The following SH3D19 variants were observed in gnomAD, a reference collection of about 807,000 sequenced individuals.
The protein encoded by SH3D19 is SH3 domain-containing protein 19.
In SH3D19, 58 loss-of-function variants were observed where a neutral mutation model predicts 112.1. The observed-to-expected ratio is 0.52, with a 90% CI of 0.42 to 0.64. SH3D19 has a LOEUF of 0.64. SH3D19 is among the 30% of genes least tolerant of loss of function. SH3D19 has a pLI of 0.00. For synonymous variants in SH3D19, 391 were observed against 448.5 expected, an observed-to-expected ratio of 0.87 and a Z score of 1.62; for missense variants, 1,090 against 1,263.4, an observed-to-expected ratio of 0.86 and a Z score of 2.08.
chr4:151,210,001 T>C (rs1396297495), intron 2 of SH3D19, among the ~76,000 whole-genome samples: 1 of 152,182 alleles, frequency 6.6e-6, no homozygotes. Flanking sequence ...CTATTAGCTA[T>C]GGCCAAATAG....
intron 17 of SH3D19, among the ~76,000 whole-genome samples, chr4:151,129,085 T>C (rs1205779763): frequency 6.6e-6 from 1 of 152,210 alleles, no homozygotes; most frequent in African/African-American, 2.4e-5. Context: ...TTATTTAAAT[T>C]AGGAAGGATC....
chr4:151,205,484 C>T (rs1046148272), intron 2 of SH3D19, among the ~76,000 whole-genome samples: 1 of 152,182 alleles, frequency 6.6e-6, no homozygotes. Context: ...GGGGGTCTGA[C>T]AAGCCCAATT....
intron 1 of SH3D19, among the ~76,000 whole-genome samples, chr4:151,267,661 G>C (rs1013557547): frequency 6.6e-6 from 1 of 151,938 alleles, no homozygotes; most frequent in African/African-American, 2.4e-5. Flanking sequence ...ATAGACTATA[G>C]AAAGCCAGCT....
Position 151,175,228 on chromosome 4 carries a change from G to A in SH3D19, c.976C>T (p.Pro326Ser). The A allele has an allele frequency of 3.7e-6, 6 of 1,614,228 alleles. No individual in the cohort carries two copies. The highest frequency in any genetic ancestry group is 5.1e-6 in the Non-Finnish European group (6 of 1,180,038). The change falls in exon 7 of 20, where the codon CCT becomes TCT. Residue 326 changes from proline to serine, a missense_variant. Physicochemically the swap from Pro to Ser is moderately conservative, Grantham distance 74. Coordinates refer to ENST00000604030, the MANE Select transcript of SH3D19 (RefSeq NM_001378122.1). ...EITPRSLPPK[P>S]TVSSGKPSVA... Reference sequence around the variant, plus strand: ...GAAGGTTTCCCTGAGGAAACAGTAGGCTTTGGAGGAAGTGAACGTGGAGTA... The same window carrying A: ...GAAGGTTTCCCTGAGGAAACAGTAGACTTTGGAGGAAGTGAACGTGGAGTA...
At chr4:151,307,635 C>A (rs1050553629) in intron 1 of SH3D19, among the ~76,000 whole-genome samples, 5 of 152,240 alleles carry the variant, frequency 3.3e-5, no homozygotes, top group African/African-American at 1.2e-4. Flanking sequence ...TTGGGAAGGC[C>A]TTTGGGCCTG....
At chr4:151,321,269 A>G (rs1730503127) in intron 1 of SH3D19, among the ~76,000 whole-genome samples, 1 of 152,124 alleles carries the variant, frequency 6.6e-6, no homozygotes, top group Admixed American at 6.6e-5. Flanking sequence ...TTTCAGTTTT[A>G]AAAGCTGGAA....
intron 2 of SH3D19, among the ~76,000 whole-genome samples, chr4:151,204,167 C>A (rs532678491): frequency 1.3e-5 from 2 of 152,226 alleles, no homozygotes; most frequent in South Asian, 4.1e-4. Flanking sequence ...CATGAATTAG[C>A]ATAACACTGA....
intron 8 of SH3D19, among the ~76,000 whole-genome samples, chr4:151,161,059 C>T (rs1243234503): frequency 2.0e-5 from 3 of 152,048 alleles, no homozygotes. Flanking sequence ...AAGGAGATAG[C>T]TTACTGGAAG....
Position 151,236,717 on chromosome 4 carries a change from A to C in SH3D19, c.113-10631T>G, listed in dbSNP as rs1770083263. On this transcript the variant is annotated intron_variant, in intron 1 of 19. Coordinates refer to ENST00000604030, the MANE Select transcript of SH3D19 (RefSeq NM_001378122.1). ...TAAAGGTTTTGTAAATGTACCAATCAGCTCTCTGTGTCTAGCTAATCAGGT... is the reference window on the plus strand; with the variant it reads ...TAAAGGTTTTGTAAATGTACCAATCCGCTCTCTGTGTCTAGCTAATCAGGT... Among the ~76,000 whole-genome samples, 9 of 152,284 alleles carry C rather than the reference A, an allele frequency of 5.9e-5. No homozygotes were observed. The South Asian group carries it at 1.9e-3, about 32-fold the overall frequency.
intron 1 of SH3D19, chr4:151,262,727 T>A (rs1054079733): frequency 1.3e-4 from 19 of 146,958 alleles, no homozygotes; most frequent in Admixed American, 1.1e-3. Flanking sequence ...GTAGATGAGA[T>A]CCCGTGATGT....
At chr4:151,315,462 G>A (rs892150785) in intron 1 of SH3D19, among the ~76,000 whole-genome samples, 1 of 152,094 alleles carries the variant, frequency 6.6e-6, no homozygotes, top group Non-Finnish European at 1.5e-5. Context: ...CTTAGTCATA[G>A]GTCACCTCAA....
chr4:151,138,963 G>A (rs1477079341), intron 13 of SH3D19, among the ~76,000 whole-genome samples: 1 of 151,732 alleles, frequency 6.6e-6, no homozygotes, highest in Non-Finnish European at 1.5e-5. Flanking sequence ...AAGTAGCTGG[G>A]ATTACAGGCA....
intron 1 of SH3D19, among the ~76,000 whole-genome samples, chr4:151,258,261 A>G (rs1414103659): frequency 3.9e-5 from 6 of 152,182 alleles, no homozygotes. Context: ...TTGAGGCACA[A>G]AGGGAAAGAG....
At chr4:151,288,401 A>G (rs184785858) in intron 1 of SH3D19, among the ~76,000 whole-genome samples, 5 of 152,350 alleles carry the variant, frequency 3.3e-5, no homozygotes. Context: ...CCAAAAAATT[A>G]GAACTAATAA....
chr4:151,199,485 G>A (rs1049596483), intron 2 of SH3D19, among the ~76,000 whole-genome samples: 5 of 152,196 alleles, frequency 3.3e-5, no homozygotes, highest in African/African-American at 9.7e-5. Flanking sequence ...TGGGTGGACA[G>A]AGCAAGGTTC....
intron 1 of SH3D19, among the ~76,000 whole-genome samples, chr4:151,285,320 C>A (rs1186262860): frequency 6.6e-6 from 1 of 152,114 alleles, no homozygotes; most frequent in Admixed American, 6.5e-5. Context: ...CTTAAGTGCC[C>A]ATGGAACATT....
intron 1 of SH3D19, among the ~76,000 whole-genome samples, chr4:151,228,993 A>T (rs1190026904): frequency 6.6e-6 from 1 of 151,396 alleles, no homozygotes; most frequent in Non-Finnish European, 1.5e-5. Flanking sequence ...TAGTTGAAGT[A>T]GTTAGGATTA....
chr4:151,217,290 G>A (rs1289115043), intron 2 of SH3D19, among the ~76,000 whole-genome samples: 5 of 152,160 alleles, frequency 3.3e-5, no homozygotes, highest in Non-Finnish European at 7.3e-5. Flanking sequence ...ACCACAATGT[G>A]ATGATGGTAA....
chr4:151,291,140 C>T lies in SH3D19; in HGVS notation c.112+34101G>A, dbSNP rs764443975. 7.4e-6 allele frequency: 12 copies of T among 1,612,620 alleles called. No homozygotes were observed. In the East Asian group the frequency reaches 1.6e-4, roughly 21 times the overall value. On this transcript the variant is annotated intron_variant, in intron 1 of 19. Transcript: ENST00000604030. ...TAGGGTGATTCTGGAGGGCCTCTGT[C>T]GTGTCACATTGATGGTGTATGGATC...
Sources: gnomAD v4.1 joint callset for allele counts (sites outside exome capture counted in the v4.1 genomes callset) on GRCh38, gnomAD v4.1.1 for gene constraint, MANE v1.5 for transcripts, NCBI Gene and HGNC (gene_info 2026-07-23, HGNC 2026-07-21) for gene names.